SPIDR: variants seen among roughly 807,000 people sequenced by gnomAD.
The protein encoded by SPIDR is DNA repair-scaffolding protein.
In SPIDR, 93 loss-of-function variants were observed where a neutral mutation model predicts 104.6. That is an observed-to-expected ratio of 0.89 (90% CI 0.75 to 1.06). The LOEUF is 1.06. Ranked by LOEUF, SPIDR falls within the 50% of genes least tolerant of loss-of-function variation. SPIDR has a pLI of 0.00. For missense variants in SPIDR, 1,154 were observed against 1,111.2 expected, an observed-to-expected ratio of 1.04 and a Z score of -0.55; for synonymous variants, 431 against 416.9, an observed-to-expected ratio of 1.03 and a Z score of -0.41.
At chr8:47,293,719 A>T in intron 4 of SPIDR, 148 bp from the exon 5 acceptor site, 1 of 877,696 alleles carries the variant, frequency 1.1e-6, no homozygotes, top group South Asian at 2.2e-5. Flanking sequence ...AAGCGCTAGG[A>T]TTACAGGCAT....
intron 8 of SPIDR, among the ~76,000 whole-genome samples, chr8:47,477,560 G>A (rs2076424417): frequency 6.6e-6 from 1 of 152,140 alleles, no homozygotes; most frequent in South Asian, 2.1e-4. Flanking sequence ...TATAGTAGAG[G>A]TAATTTTAGA....
intron 8 of SPIDR, among the ~76,000 whole-genome samples, chr8:47,540,964 A>G (rs2087998941): frequency 6.6e-6 from 1 of 152,010 alleles, no homozygotes; most frequent in African/African-American, 2.4e-5. Flanking sequence ...GGTTCATGCG[A>G]TTTTCCTGCC....
chr8:47,713,747 TTCCAG>T, intron 16 of SPIDR, 106 bp downstream of exon 16: 1 of 1,414,306 alleles, frequency 7.1e-7, no homozygotes, highest in East Asian at 2.4e-5. Flanking sequence ...ACCCGCTAAG[TTCCAG>T]ACACTGGATA....
chr8:47,277,811 A>T (rs1215317468), intron 1 of SPIDR, among the ~76,000 whole-genome samples: 4 of 151,168 alleles, frequency 2.6e-5, no homozygotes, highest in African/African-American at 7.3e-5. Context: ...AGTAGCTGGG[A>T]CTACAGGCGC....
intron 3 of SPIDR, among the ~76,000 whole-genome samples, chr8:47,290,095 A>G (rs1464384532): frequency 2.0e-5 from 3 of 151,990 alleles, no homozygotes; most frequent in Non-Finnish European, 4.4e-5. Flanking sequence ...GCTGGAGTGC[A>G]GTGGCTCGAT....
intron 8 of SPIDR, among the ~76,000 whole-genome samples, chr8:47,517,048 G>C (rs999053234): frequency 1.3e-5 from 2 of 152,002 alleles, no homozygotes; most frequent in Admixed American, 6.5e-5. Context: ...ACAGTGGCAC[G>C]ATCTCGGCTC....
chr8:47,325,948 T>C (rs1320676264), intron 5 of SPIDR, among the ~76,000 whole-genome samples: 1 of 152,206 alleles, frequency 6.6e-6, no homozygotes, highest in African/African-American at 2.4e-5. Flanking sequence ...TTGACTGTCC[T>C]TTCTTTTGAC....
At chr8:47,676,091 G>A (rs2076412560) in intron 11 of SPIDR, among the ~76,000 whole-genome samples, 1 of 152,230 alleles carries the variant, frequency 6.6e-6, no homozygotes, top group Non-Finnish European at 1.5e-5. Context: ...GGGAATCTTT[G>A]TCTCTCTAAA....
At chr8:47,320,189 A>G (rs1225707571) in intron 5 of SPIDR, among the ~76,000 whole-genome samples, 1 of 152,236 alleles carries the variant, frequency 6.6e-6, no homozygotes, top group Non-Finnish European at 1.5e-5. Flanking sequence ...AACAAACTTG[A>G]TAGGCTGCTA....
At chr8:47,380,217 G>A (rs2059166756) in intron 5 of SPIDR, among the ~76,000 whole-genome samples, 1 of 152,222 alleles carries the variant, frequency 6.6e-6, no homozygotes, top group Non-Finnish European at 1.5e-5. Flanking sequence ...TGCTGCCCCT[G>A]CCTGGGCCTG....
intron 8 of SPIDR, among the ~76,000 whole-genome samples, chr8:47,541,930 C>G (rs2088245768): frequency 6.6e-6 from 1 of 152,034 alleles, no homozygotes; most frequent in Non-Finnish European, 1.5e-5. Flanking sequence ...GACTCCATCT[C>G]AGAAAAATAA....
chr8:47,640,415 A>G (rs527239693), intron 10 of SPIDR, among the ~76,000 whole-genome samples: 1 of 152,224 alleles, frequency 6.6e-6, no homozygotes, highest in African/African-American at 2.4e-5. Flanking sequence ...AAGTAAAAAC[A>G]TATGATCAAA....
rs11986344 is a variant in SPIDR, at chr8:47,503,079, G to A, written c.1097+62537G>A. On this transcript the variant is annotated intron_variant, in intron 8 of 19. Transcript: ENST00000297423. ...CAACTATGTGGTCAGTTTTGGAATAGGTGTGTTGTGGTGCTGAAAAGAATG... is the reference window on the plus strand; with the variant it reads ...CAACTATGTGGTCAGTTTTGGAATAAGTGTGTTGTGGTGCTGAAAAGAATG... 2.0e-5 allele frequency among the ~76,000 whole-genome samples: 3 copies of A among 152,274 alleles called. 1 individual carries two copies. Among genetic ancestry groups the A allele is most frequent in the African/African-American group, 4.8e-5 (2 of 41,582 alleles).
chr8:47,594,764 TG>T (rs2061461757), intron 8 of SPIDR, among the ~76,000 whole-genome samples: 2 of 151,588 alleles, frequency 1.3e-5, no homozygotes, highest in African/African-American at 4.8e-5. Flanking sequence ...GAGGCCAAGG[TG>T]GGTGGATCAC....
chr8:47,455,336 T>G (rs895667257), intron 8 of SPIDR, among the ~76,000 whole-genome samples: 1 of 152,034 alleles, frequency 6.6e-6, no homozygotes, highest in African/African-American at 2.4e-5. Flanking sequence ...TGATTGTAAT[T>G]TCCCAGAAAA....
chr8:47,295,726 T>G (rs2040724124), intron 5 of SPIDR, among the ~76,000 whole-genome samples: 1 of 152,234 alleles, frequency 6.6e-6, no homozygotes, highest in Non-Finnish European at 1.5e-5. Flanking sequence ...CTTCCAAATC[T>G]TAGCTATTGT....
chr8:47,686,045 G>T (rs1404870517), intron 11 of SPIDR, among the ~76,000 whole-genome samples: 1 of 152,094 alleles, frequency 6.6e-6, no homozygotes, highest in Non-Finnish European at 1.5e-5. Flanking sequence ...GAGAAGGGAA[G>T]GGGAAGGGGA....
intron 8 of SPIDR, among the ~76,000 whole-genome samples, chr8:47,459,217 A>G (rs1330422828): frequency 6.6e-6 from 1 of 152,060 alleles, no homozygotes; most frequent in Non-Finnish European, 1.5e-5. Flanking sequence ...TAGGATTGGT[A>G]CCAGTTCTTT....
chr8:47,444,695 A>G (rs1554700106), intron 8 of SPIDR, among the ~76,000 whole-genome samples: 3 of 152,330 alleles, frequency 2.0e-5, no homozygotes, highest in South Asian at 4.1e-4. Flanking sequence ...AGAAGTAGAA[A>G]TTATTGGTCA....
Sources: allele counts gnomAD v4.1 joint callset (sites outside exome capture counted in the v4.1 genomes callset), GRCh38; gene constraint gnomAD v4.1.1; transcripts MANE v1.5; gene names NCBI Gene and HGNC (gene_info 2026-07-23, HGNC 2026-07-21).